Variants in IGSF5 observed in about 807,000 individuals in gnomAD.
The protein encoded by IGSF5 is immunoglobulin superfamily member 5.
In IGSF5, 41 loss-of-function variants were observed where a neutral mutation model predicts 39.4. The ratio of observed to expected loss-of-function variants is 1.04; its 90% CI spans 0.81 to 1.35. IGSF5 has a LOEUF of 1.35. IGSF5 is among the 40% of genes most tolerant of loss of function. The probability of loss-of-function intolerance (pLI) is 0.00; values close to 1 mark genes in which losing one functional copy is unlikely to be tolerated. For synonymous variants in IGSF5, 183 were observed against 175.3 expected (o/e 1.04, Z -0.34); for missense variants, 487 against 494.6 (o/e 0.98, Z 0.15).
chr21:39,791,766 C>T (rs762717690), intron 6 of IGSF5: 56 of 404,552 alleles, frequency 1.4e-4, no homozygotes, highest in Non-Finnish European at 2.2e-4. Flanking sequence ...TGAGTAACAA[C>T]TGGGGAGTAG....
In IGSF5 at chr21:39,765,654, A is replaced by T; in HGVS notation, c.220A>T (p.Ser74Cys). The T allele has an allele frequency of 1.2e-6, 2 of 1,614,150 alleles. No homozygotes were observed. The highest frequency in any genetic ancestry group is 1.7e-6 in the Non-Finnish European group (2 of 1,180,016). The stretch of plus-strand genomic sequence containing the variant: ...CTGGAAGCTCATCATGTGGGCTCTC[A>T]GTGACATGGTGGTGCTAAGCGTCAG... ...QGWKLIMWAL[S>C]DMVVLSVRPM... Residue 74 changes from serine to cysteine, a missense_variant, in exon 3 of 9, where the codon AGT (serine) becomes TGT (cysteine). By Grantham distance (112) the Ser-to-Cys change is moderately radical. Transcript: ENST00000380588.
intron 2 of IGSF5, among the ~76,000 whole-genome samples, chr21:39,759,815 C>T (rs918083572): frequency 1.4e-5 from 2 of 147,192 alleles, no homozygotes; most frequent in African/African-American, 5.1e-5. Flanking sequence ...TACAGTGAGC[C>T]GAGATTGTGA....
At chr21:39,766,569 TATATC>T (rs2080088299) in intron 3 of IGSF5, among the ~76,000 whole-genome samples, 2 of 152,334 alleles carry the variant, frequency 1.3e-5, no homozygotes, top group African/African-American at 4.8e-5. Flanking sequence ...GTTCACCAAA[TATATC>T]AAGTCATTGA....
intron 2 of IGSF5, among the ~76,000 whole-genome samples, chr21:39,754,099 G>A (rs1031590630): frequency 3.3e-5 from 5 of 152,066 alleles, no homozygotes; most frequent in Non-Finnish European, 5.9e-5. Context: ...TGAGATTTAT[G>A]CTTTAAGCAG....
In IGSF5 at chr21:39,801,935, C is replaced by A. The variant is rs770785975; in HGVS notation, c.*578C>A. The A allele has an allele frequency of 6.6e-6, 1 of 152,586 alleles. No homozygotes were observed. The highest frequency in any genetic ancestry group is 2.1e-4 in the South Asian group (1 of 4,840). The allele number at this position is 152,586 out of a possible 1,614,324, so 9.5% of individuals were successfully genotyped here. ...ACATGAAGGCATTCATTTTTATCTG[C>A]CCCTTTATCAGACCTATTTGCATCT... On this transcript the variant is annotated 3_prime_UTR_variant, in exon 9 of 9. Coordinates refer to ENST00000380588, the MANE Select transcript of IGSF5 (RefSeq NM_001080444.2).
At chr21:39,732,926 T>C in the IGSF5 span, among the ~76,000 whole-genome samples, 1 of 151,758 alleles carries the variant, frequency 6.6e-6, no homozygotes, top group African/African-American at 2.4e-5. Context: ...CTTGGGAGGG[T>C]GAGGTGGGAG....
chr21:39,756,102 CAAACAAACA>C (rs1169001026), intron 2 of IGSF5, among the ~76,000 whole-genome samples: 2 of 92,850 alleles, frequency 2.2e-5, no homozygotes, highest in African/African-American at 6.3e-5. Context: ...AACAAACAAA[CAAACAAACA>C]AACAAACAAA....
intron 8 of IGSF5, among the ~76,000 whole-genome samples, chr21:39,797,639 T>G (rs1331548841): frequency 6.6e-6 from 1 of 152,096 alleles, no homozygotes; most frequent in Non-Finnish European, 1.5e-5. Context: ...GCCTCAGCCT[T>G]CCGGAGAGCT....
chr21:39,766,559 G>A (rs551472916), intron 3 of IGSF5, among the ~76,000 whole-genome samples: 2 of 152,122 alleles, frequency 1.3e-5, no homozygotes, highest in Non-Finnish European at 2.9e-5. Context: ...AAAGTTGTGT[G>A]TTCACCAAAT....
chr21:39,738,380 C>T, the IGSF5 span, among the ~76,000 whole-genome samples: 13 of 152,320 alleles, frequency 8.5e-5, no homozygotes, highest in African/African-American at 3.1e-4. The surrounding 1 kb of genome is among the most constrained non-coding windows in gnomAD (Gnocchi z 6.4). Flanking sequence ...AATTAGCTCC[C>T]TCTGGGTCCT....
chr21:39,773,930 T>G (rs2080127342), intron 4 of IGSF5, among the ~76,000 whole-genome samples: 2 of 152,172 alleles, frequency 1.3e-5, no homozygotes, highest in Non-Finnish European at 2.9e-5. Flanking sequence ...ACTGGCTTGC[T>G]TGCAAATGTT....
chr21:39,785,651 A>G (rs1039536934), intron 5 of IGSF5, among the ~76,000 whole-genome samples: 3 of 152,186 alleles, frequency 2.0e-5, no homozygotes, highest in South Asian at 2.1e-4. Context: ...CTTGGGCAGT[A>G]TGGCCATTTT....
upstream of IGSF5, among the ~76,000 whole-genome samples, chr21:39,744,932 G>A (rs145180744): frequency 0.038 from 5,754 of 152,298 alleles, 358 homozygotes; most frequent in African/African-American, 0.13. Context: ...CAGTGCTTTC[G>A]GGCTACGCCC....
chr21:39,727,185 C>T, the IGSF5 span, among the ~76,000 whole-genome samples: 1 of 152,212 alleles, frequency 6.6e-6, no homozygotes. Flanking sequence ...CTTCCTATCC[C>T]TGAGAACTTA....
intron 1 of IGSF5, 65 bp downstream of exon 1, chr21:39,745,591 C>G: frequency 1.4e-6 from 1 of 712,886 alleles, no homozygotes; most frequent in South Asian, 1.5e-5. Flanking sequence ...TCTCAATCAG[C>G]TACTGCTGGG....
chr21:39,750,006 T>G (rs1340792604), intron 2 of IGSF5, among the ~76,000 whole-genome samples: 1 of 152,224 alleles, frequency 6.6e-6, no homozygotes, highest in Admixed American at 6.5e-5. Context: ...GTAAAGATCT[T>G]GAGGCCCACA....
At chr21:39,737,942 G>A in the IGSF5 span, among the ~76,000 whole-genome samples, 1 of 152,218 alleles carries the variant, frequency 6.6e-6, no homozygotes, top group Non-Finnish European at 1.5e-5. Flanking sequence ...GAGAGTGGGA[G>A]TAGGTCAGAG....
intron 6 of IGSF5, among the ~76,000 whole-genome samples, chr21:39,790,713 G>A (rs567072319): frequency 2.0e-5 from 3 of 152,306 alleles, no homozygotes; most frequent in South Asian, 4.1e-4. Context: ...TATTGTAGGA[G>A]TCTTTTGGTG....
chr21:39,783,996 C>A (rs796151593), intron 5 of IGSF5, among the ~76,000 whole-genome samples: 1 of 152,130 alleles, frequency 6.6e-6, no homozygotes, highest in South Asian at 2.1e-4. Context: ...AAGAGGCAGC[C>A]TTTCCCCAGT....
Sources: allele counts gnomAD v4.1 joint callset (sites outside exome capture counted in the v4.1 genomes callset), GRCh38; gene constraint gnomAD v4.1.1; non-coding constraint Gnocchi (gnomAD v3.1); transcripts MANE v1.5; gene names NCBI Gene and HGNC (gene_info 2026-07-23, HGNC 2026-07-21).